P2RX6: variants seen among roughly 807,000 people sequenced by gnomAD.
The protein encoded by P2RX6 is P2X purinoceptor 6.
In P2RX6, 62 loss-of-function variants were observed where a neutral mutation model predicts 54.2. The ratio of observed to expected loss-of-function variants is 1.14; its 90% CI spans 0.93 to 1.41. The LOEUF is 1.41. Ranked by LOEUF, P2RX6 falls within the 40% of genes most tolerant of loss-of-function variation. The probability of loss-of-function intolerance (pLI) is 0.00; values close to 1 mark genes in which losing one functional copy is unlikely to be tolerated. For missense variants in P2RX6, 541 were observed against 566.3 expected, an observed-to-expected ratio of 0.96 and a Z score of 0.45; for synonymous variants, 211 against 231.9, an observed-to-expected ratio of 0.91 and a Z score of 0.82.
intron 1 of P2RX6, 99 bp from the exon 2 acceptor site, chr22:21,015,843 C>T: frequency 1.6e-6 from 2 of 1,281,200 alleles, no homozygotes; most frequent in Non-Finnish European, 2.1e-6. Flanking sequence ...GGCCGGGAGC[C>T]TGTAGGGTGT....
chr22:21,021,029 G>A (rs1235182956), intron 3 of P2RX6, among the ~76,000 whole-genome samples: 3 of 152,208 alleles, frequency 2.0e-5, no homozygotes, highest in Admixed American at 6.5e-5. Context: ...ACTGGGTGGA[G>A]CTGAAGTGAA....
Position 21,015,283 on chromosome 22 carries a change from C to T in P2RX6, c.109C>T (p.Arg37Trp), listed in dbSNP as rs2006845. The T allele has an allele frequency of 3.0e-5, 46 of 1,551,944 alleles. No individual in the cohort carries two copies. The East Asian group carries it at 7.3e-4, about 25-fold the overall frequency. Residue 37 changes from arginine (R) to tryptophan (W), a missense_variant, in exon 1 of 12, where the codon CGG becomes TGG. Arg to Trp is a moderately radical substitution (Grantham distance 101). Around this residue, in one of 2 missense-constraint regions of P2RX6, gnomAD observed 526 missense variants for 531.5 expected, o/e 0.99. Coordinates refer to ENST00000413302, the MANE Select transcript of P2RX6 (RefSeq NM_005446.5). ...TEKYVMTRNW[R>W]VGALQRLLQF... ...GAAGTATGTGATGACCAGGAACTGG[C>T]GGGTGGGCGCCCTGCAGAGGCTGCT...
upstream of P2RX6, chr22:21,014,438 T>C (rs533583898): frequency 6.6e-6 from 1 of 152,398 alleles, no homozygotes; most frequent in East Asian, 1.9e-4. Flanking sequence ...GTGGCTCTCC[T>C]GCGCTGAGGC....
At chr22:21,012,815 C>T (rs1279520702), upstream of P2RX6, among the ~76,000 whole-genome samples, 1 of 152,118 alleles carries the variant, frequency 6.6e-6, no homozygotes, top group Non-Finnish European at 1.5e-5. Flanking sequence ...CCCCCACCCC[C>T]ACCTCTCCCA....
chr22:21,014,384 G>A (rs961900126), upstream of P2RX6: 2 of 152,370 alleles, frequency 1.3e-5, no homozygotes, highest in African/African-American at 4.8e-5. Context: ...CTCCCCCGCG[G>A]CGGTCGCCCC....
chr22:21,015,260 A>G lies in P2RX6; in HGVS notation c.86A>G (p.Lys29Arg). ...GGGCTTCTGGATTATAAGACGGAGA[A>G]GTATGTGATGACCAGGAACTGGCGG... The part of the protein sequence containing the change: ...GWGLLDYKTE[K>R]YVMTRNWRVG... The change falls in exon 1 of 12, where the codon AAG (lysine) becomes AGG (arginine). Residue 29 changes from lysine to arginine, a missense_variant. This residue lies in a region of P2RX6 where 526 missense variants were observed against 531.5 expected (regional missense o/e 0.99). Coordinates refer to ENST00000413302, the MANE Select transcript of P2RX6 (RefSeq NM_005446.5). 1.3e-6 allele frequency: 2 copies of G among 1,545,156 alleles called. No homozygotes were observed. Among genetic ancestry groups the G allele is most frequent in the South Asian group, 1.3e-5 (1 of 79,950 alleles).
rs1420376096 is a variant in P2RX6, at chr22:21,022,934, T to C, written c.464-8T>C. 7.4e-6 allele frequency: 12 copies of C among 1,612,032 alleles called. No individual in the cohort carries two copies. Among genetic ancestry groups the C allele is most frequent in the Non-Finnish European group, 9.3e-6 (11 of 1,178,176 alleles). On this transcript the variant is annotated splice_region_variant and splice_polypyrimidine_tract_variant and intron_variant, in intron 4 of 11. Coordinates refer to ENST00000413302, the MANE Select transcript of P2RX6 (RefSeq NM_005446.5). ...TTGAAGGTCTGGAGTTCATCTTTTG[T>C]TTTCTAGGTGTAAAAACAGGCCAGT...
In P2RX6 at chr22:21,024,218, C is replaced by T. The variant is rs545390371; in HGVS notation, c.890+600C>T. Among the ~76,000 whole-genome samples the T allele has an allele frequency of 2.6e-5, 4 of 151,752 alleles. No individual in the cohort carries two copies. In the South Asian group the frequency reaches 8.3e-4, roughly 32 times the overall value. On this transcript the variant is annotated intron_variant, in intron 8 of 11. Coordinates refer to ENST00000413302, the MANE Select transcript of P2RX6 (RefSeq NM_005446.5). ...AGGTGATCCACCCACCTCAGCCTCC[C>T]GAAGGGCTAGGATTACAGACGTAAA...
chr22:21,023,643 C>A, intron 8 of P2RX6, 25 bp downstream of exon 8: 1 of 1,523,626 alleles, frequency 6.6e-7, no homozygotes, highest in Non-Finnish European at 9.0e-7. Context: ...CTCCCAGTGC[C>A]CAGCTGCTGG....
Position 21,022,973 on chromosome 22 carries a change from T to G in P2RX6, c.495T>G (p.Asn165Lys). The change falls in exon 5 of 12, where the codon AAT becomes AAG. Residue 165 changes from asparagine to lysine, a missense_variant. Coordinates refer to ENST00000413302, the MANE Select transcript of P2RX6 (RefSeq NM_005446.5). ...GVKTGQCVVF[N>K]GTHRTCEIWS... ...AAACAGGCCAGTGTGTGGTGTTCAATGGGACCCACAGGACCTGTGAGATCT... is the reference window on the plus strand; with the variant it reads ...AAACAGGCCAGTGTGTGGTGTTCAAGGGGACCCACAGGACCTGTGAGATCT... 1 of 1,613,902 alleles carries G rather than the reference T, an allele frequency of 6.2e-7. No individual in the cohort carries two copies. Among genetic ancestry groups the G allele is most frequent in the Non-Finnish European group, 8.5e-7 (1 of 1,179,800 alleles).
intron 3 of P2RX6, among the ~76,000 whole-genome samples, chr22:21,019,827 G>A (rs1212926151): frequency 6.6e-6 from 1 of 152,254 alleles, no homozygotes; most frequent in Non-Finnish European, 1.5e-5. Flanking sequence ...GAAACAAAGG[G>A]ATGGGCTCTG....
intron 8 of P2RX6, among the ~76,000 whole-genome samples, chr22:21,024,264 T>C (rs1003853193): frequency 4.0e-5 from 6 of 148,960 alleles, no homozygotes; most frequent in African/African-American, 1.2e-4. Context: ...TGGCCTCCCT[T>C]CCGCTTTTAC....
At chr22:21,020,391 G>A (rs1418449983) in intron 3 of P2RX6, among the ~76,000 whole-genome samples, 2 of 151,964 alleles carry the variant, frequency 1.3e-5, no homozygotes, top group Admixed American at 6.6e-5. Flanking sequence ...GCTCTTTATA[G>A]TGTCACCTCC....
intron 3 of P2RX6, among the ~76,000 whole-genome samples, chr22:21,020,714 C>T (rs971839769): frequency 2.6e-5 from 4 of 151,642 alleles, no homozygotes; most frequent in African/African-American, 9.7e-5. Flanking sequence ...GCCTCAGCCT[C>T]CCAAGTAGGT....
upstream of P2RX6, chr22:21,014,058 C>CCTGG (rs1210505479): frequency 1.3e-5 from 2 of 153,872 alleles, no homozygotes; most frequent in African/African-American, 4.8e-5. Context: ...AGGAGACGGG[C>CCTGG]CTGGCCCCTG....
At chr22:21,018,276 G>A (rs1926779492) in intron 3 of P2RX6, 4 of 549,436 alleles carry the variant, frequency 7.3e-6, no homozygotes, top group Non-Finnish European at 1.3e-5. Context: ...TTTCAGAGGA[G>A]AAGACTGAGG....
In P2RX6 at chr22:21,020,593, T is replaced by C. The variant is rs866251037; in HGVS notation, c.388-2083T>C. On this transcript the variant is annotated intron_variant, in intron 3 of 11. Coordinates refer to ENST00000413302, the MANE Select transcript of P2RX6 (RefSeq NM_005446.5). ...TTGAGCAGAATCTTTTTTTTTTTTTTCTTTTTTTTTTTTTTGAGACAGAGT... is the reference window on the plus strand; with the variant it reads ...TTGAGCAGAATCTTTTTTTTTTTTTCCTTTTTTTTTTTTTTGAGACAGAGT... 7.2e-4 allele frequency among the ~76,000 whole-genome samples: 90 copies of C among 125,536 alleles called. No homozygotes were observed. The South Asian group carries it at 0.014, about 20-fold the overall frequency. The allele number at this position is 125,536 out of a possible 152,430, so 82.4% of individuals were successfully genotyped here.
At chr22:21,012,415 C>G (rs1365721592), upstream of P2RX6, 7 of 374,942 alleles carry the variant, frequency 1.9e-5, no homozygotes, top group African/African-American at 1.5e-4. Context: ...CTCTATCCAC[C>G]AGCAACACCA....
At chr22:21,015,092 C>G (rs1453637109), upstream of P2RX6, 2 of 785,694 alleles carry the variant, frequency 2.5e-6, no homozygotes, top group Admixed American at 3.5e-5. Context: ...GTGGAAGTGT[C>G]CCTTTAACAG....
Sources: allele counts gnomAD v4.1 joint callset (sites outside exome capture counted in the v4.1 genomes callset), GRCh38; gene constraint gnomAD v4.1.1; regional missense constraint gnomAD v4.1.1; transcripts MANE v1.5; gene names NCBI Gene and HGNC (gene_info 2026-07-23, HGNC 2026-07-21).